The following PTPN7 variants were observed in gnomAD, a reference collection of about 807,000 sequenced individuals.
PTPN7 encodes protein tyrosine phosphatase non-receptor type 7, also known as tyrosine-protein phosphatase non-receptor type 7.
In PTPN7, 33 loss-of-function variants were observed where a neutral mutation model predicts 50.3. The observed-to-expected ratio is 0.66, with a 90% CI of 0.50 to 0.88. PTPN7 has a LOEUF of 0.88. Ranked by LOEUF, PTPN7 falls within the 40% of genes least tolerant of loss-of-function variation. PTPN7 has a pLI of 0.00. For missense variants in PTPN7, 412 were observed against 475.4 expected (o/e 0.87, Z 1.24); for synonymous variants, 185 against 186.6 (o/e 0.99, Z 0.07).
At chr1:202,160,728 G>A (rs1286835412), upstream of PTPN7, 1 of 1,550,358 alleles carries the variant, frequency 6.5e-7, no homozygotes, top group Non-Finnish European at 8.7e-7. The surrounding 1 kb of genome is among the most constrained non-coding windows in gnomAD (Gnocchi z 4.8). Flanking sequence ...CCAGGGGTCG[G>A]CTGCCTCCCG....
At chr1:202,154,104 T>G (rs1258115534) in intron 6 of PTPN7, 82 bp downstream of exon 6, 116 of 1,575,526 alleles carry the variant, frequency 7.4e-5, no homozygotes, top group Non-Finnish European at 9.0e-5. Context: ...CCTCTGGTTC[T>G]GAGCTGCCCT....
At chr1:202,160,954 G>A, upstream of PTPN7, 1 of 1,428,526 alleles carries the variant, frequency 7.0e-7, no homozygotes, top group African/African-American at 1.4e-5. The surrounding 1 kb of genome is among the most constrained non-coding windows in gnomAD (Gnocchi z 4.8). Context: ...AGGCTCTCCT[G>A]CTCAACCTGA....
chr1:202,156,407 T>C lies in PTPN7; in HGVS notation c.392-798A>G, dbSNP rs79131105. ...CATGAGCAACTTGCCAGATATCACA[T>C]AGCTGTGAAGTGGGACTAGGACTCA... On this transcript the variant is annotated intron_variant, in intron 4 of 9. Coordinates refer to ENST00000691036, the MANE Select transcript of PTPN7 (RefSeq NM_002832.4). 8.5e-3 allele frequency among the ~76,000 whole-genome samples: 1,291 copies of C among 152,320 alleles called. 13 individuals carry two copies. Among genetic ancestry groups the C allele is most frequent in the African/African-American group, 0.029 (1,195 of 41,570 alleles).
chr1:202,149,651 A>G (rs1655704052), intron 9 of PTPN7, among the ~76,000 whole-genome samples: 2 of 150,520 alleles, frequency 1.3e-5, no homozygotes, highest in Non-Finnish European at 2.9e-5. Context: ...AGAAGAAAGA[A>G]AAAAAAAGAA....
At chr1:202,152,760 C>A in intron 7 of PTPN7, 61 bp from the exon 8 acceptor site, 1 of 1,566,404 alleles carries the variant, frequency 6.4e-7, no homozygotes, top group South Asian at 1.1e-5. Flanking sequence ...CTACCTTCTT[C>A]TCTGGTGCCT....
rs541269298 is a variant in PTPN7 at position 202,156,890 on chromosome 1, G to A, written c.391+849C>T. 5.3e-5 allele frequency among the ~76,000 whole-genome samples: 8 copies of A among 152,236 alleles called. 1 individual carries two copies. In the Middle Eastern group the frequency reaches 0.017, roughly 324 times the overall value. On this transcript the variant is annotated intron_variant, in intron 4 of 9. Coordinates refer to ENST00000691036, the MANE Select transcript of PTPN7 (RefSeq NM_002832.4). Reference sequence around the variant, plus strand: ...CCGAAAAATAGAAGGTGCTTGCTCCGGGTCTGCCAGTTTGCAGGGTCACCC... The same window carrying A: ...CCGAAAAATAGAAGGTGCTTGCTCCAGGTCTGCCAGTTTGCAGGGTCACCC...
chr1:202,160,918 C>G (rs574906741), upstream of PTPN7: 13 of 1,443,646 alleles, frequency 9.0e-6, no homozygotes, highest in South Asian at 1.2e-4. The surrounding 1 kb of genome is among the most constrained non-coding windows in gnomAD (Gnocchi z 4.8). Context: ...TGACCCCCAG[C>G]TCTGTGCTGT....
chr1:202,160,937 G>C, upstream of PTPN7: 1 of 1,433,088 alleles, frequency 7.0e-7, no homozygotes, highest in Non-Finnish European at 9.1e-7. This position sits in a 1 kb window ranked among gnomAD's most constrained non-coding sequence, Gnocchi z 4.8. Flanking sequence ...GTCCCACAAA[G>C]AACCCAAGGC....
At position 202,159,713 on chromosome 1, in the gene PTPN7, G is replaced by A. The variant is rs1247295819; in HGVS notation, c.-52-259C>T. 1 of 1,362,758 alleles carries A rather than the reference G, an allele frequency of 7.3e-7. No homozygotes were observed. Among genetic ancestry groups the A allele is most frequent in the African/African-American group, 1.5e-5 (1 of 68,898 alleles). 84.4% of individuals were successfully genotyped at this position (1,362,758 alleles called of 1,614,324 possible). ...AGGAAAGAATCCAGAAGGAGGAAAA[G>A]AGAGAGGGGAGAGAGGCCACACACC... On this transcript the variant is annotated intron_variant, in intron 1 of 9. Transcript: ENST00000691036. The surrounding 1 kb of genome is among the most constrained non-coding windows in gnomAD (Gnocchi z 4.6).
chr1:202,155,110 A>G (rs1201165566), intron 5 of PTPN7, among the ~76,000 whole-genome samples: 1 of 152,132 alleles, frequency 6.6e-6, no homozygotes, highest in African/African-American at 2.4e-5. Context: ...ACGTCAATCA[A>G]CCATCTTCAT....
intron 8 of PTPN7, among the ~76,000 whole-genome samples, chr1:202,151,596 C>T (rs934716508): frequency 6.6e-6 from 1 of 152,206 alleles, no homozygotes. Flanking sequence ...CAGCTCACCA[C>T]AACCTCCACC....
chr1:202,150,322 C>T lies in PTPN7; in HGVS notation c.978G>A (p.Leu326=), dbSNP rs762925552. ...ACCCACAGACCCACCTGTCTAGCCG[C>T]AGTTGGCACACAATACCCAGAATGT... is the stretch of plus-strand genomic sequence containing the variant. The part of the protein sequence containing the change: ...EVDILGIVCQ[L]RLDRGGMIQT... The change falls in exon 9 of 10, where the codon CTG becomes CTA. Residue 326 remains leucine (L), a synonymous_variant. Coordinates refer to ENST00000691036, the MANE Select transcript of PTPN7 (RefSeq NM_002832.4). 6.2e-7 allele frequency: 1 copy of T among 1,611,612 alleles called. No homozygotes were observed. The highest frequency in any genetic ancestry group is 8.5e-7 in the Non-Finnish European group (1 of 1,178,738).
chr1:202,159,178 CCT>C lies in PTPN7; in HGVS notation c.122+101_122+102del, dbSNP rs1423441726. On this transcript the variant is annotated intron_variant, in intron 2 of 9. Coordinates refer to ENST00000691036, the MANE Select transcript of PTPN7 (RefSeq NM_002832.4). The surrounding 1 kb of genome is among the most constrained non-coding windows in gnomAD (Gnocchi z 4.6). ...CAAATTGGAGTCAACAACTGAGGGC[CCT>C]CTGGACCCTGCTGTCAGAGCTGGAG... 4 of 1,180,988 alleles carry C rather than the reference CCT, an allele frequency of 3.4e-6. No homozygotes were observed. In the Admixed American group the frequency reaches 7.6e-5, roughly 22 times the overall value. 73.2% of individuals were successfully genotyped at this position (1,180,988 alleles called of 1,614,324 possible). A position where few individuals can be genotyped will look rare whatever the true frequency, so the allele number is the denominator to read the frequency against.
Position 202,150,427 on chromosome 1 carries a change from G to A in PTPN7, c.876-3C>T, listed in dbSNP as rs1400065375. ...AGCCCGTCCGGCCAATCCCTGCACT[G>A]GAGATAGCCAGGGAGGGGACAGGGA... On this transcript the variant is annotated splice_polypyrimidine_tract_variant and splice_region_variant and intron_variant, in intron 8 of 9. Transcript: ENST00000691036. 3 of 1,603,538 alleles carry A rather than the reference G, an allele frequency of 1.9e-6. No homozygotes were observed. The South Asian group carries it at 3.3e-5, about 18-fold the overall frequency.
rs769881519 is a variant in PTPN7 at position 202,160,573 on chromosome 1, C to G, written c.-81G>C. 6.5e-7 allele frequency: 1 copy of G among 1,549,854 alleles called. No homozygotes were observed. On this transcript the variant is annotated 5_prime_UTR_variant, in exon 1 of 10. Coordinates refer to ENST00000691036, the MANE Select transcript of PTPN7 (RefSeq NM_002832.4). The surrounding 1 kb of genome is among the most constrained non-coding windows in gnomAD (Gnocchi z 4.8). ...AGCAGCTGTGGCCCCCAGGCTGCCT[C>G]TTGCCAGCTGTCTGTCTGTCTGTCG...
In PTPN7 at chr1:202,149,038, T is replaced by C. The variant is rs572061853; in HGVS notation, c.990-339A>G. 5.9e-5 allele frequency among the ~76,000 whole-genome samples: 9 copies of C among 152,092 alleles called. No homozygotes were observed. In the South Asian group the frequency reaches 1.9e-3, roughly 32 times the overall value. ...GCCCAGCTAATTTTTGTATTTTTAG[T>C]AGAAACAGGGTTTCACCATGTTGCC... On this transcript the variant is annotated intron_variant, in intron 9 of 9. Coordinates refer to ENST00000691036, the MANE Select transcript of PTPN7 (RefSeq NM_002832.4).
rs777305591 is a variant in PTPN7, at chr1:202,159,255, G to T, written c.122+26C>A. On this transcript the variant is annotated intron_variant, in intron 2 of 9. Coordinates refer to ENST00000691036, the MANE Select transcript of PTPN7 (RefSeq NM_002832.4). The surrounding 1 kb of genome is among the most constrained non-coding windows in gnomAD (Gnocchi z 4.6). ...CGGAATGGGGGCTCAGGGCTCGGAAGACCCCTCCCCCAGGGAAGATCTCAC... is the reference window on the plus strand; with the variant it reads ...CGGAATGGGGGCTCAGGGCTCGGAATACCCCTCCCCCAGGGAAGATCTCAC... The T allele has an allele frequency of 7.5e-6, 12 of 1,607,362 alleles. No individual in the cohort carries two copies. Among genetic ancestry groups the T allele is most frequent in the Non-Finnish European group, 9.4e-6 (11 of 1,174,690 alleles).
At chr1:202,152,847 A>G in intron 7 of PTPN7, 148 bp from the exon 8 acceptor site, 2 of 844,744 alleles carry the variant, frequency 2.4e-6, no homozygotes, top group Admixed American at 5.5e-5. Flanking sequence ...TTTCGTGCTC[A>G]TTGTTCTCCA....
intron 6 of PTPN7, among the ~76,000 whole-genome samples, 165 bp from the exon 7 acceptor site, chr1:202,154,000 A>G (rs1656353535): frequency 6.6e-6 from 1 of 151,538 alleles, no homozygotes; most frequent in Admixed American, 6.6e-5. Context: ...CAGAGTGCTC[A>G]CCCTATCCCG....
Sources: allele counts gnomAD v4.1 joint callset (sites outside exome capture counted in the v4.1 genomes callset), GRCh38; gene constraint gnomAD v4.1.1; non-coding constraint Gnocchi (gnomAD v3.1); transcripts MANE v1.5; gene names NCBI Gene and HGNC (gene_info 2026-07-23, HGNC 2026-07-21).